LRRFIP1: variants seen among roughly 807,000 people sequenced by gnomAD.
LRRFIP1 encodes the protein leucine-rich repeat flightless-interacting protein 1.
Under a neutral mutation model 104.4 loss-of-function variants are expected in LRRFIP1, and 62 were observed. That is an observed-to-expected ratio of 0.59 (90% CI 0.48 to 0.73). LRRFIP1 has a LOEUF of 0.73. LRRFIP1 is among the 30% of genes least tolerant of loss of function. The probability of loss-of-function intolerance (pLI) is 0.00; values close to 1 mark genes in which losing one functional copy is unlikely to be tolerated. For synonymous variants in LRRFIP1, 300 were observed against 299.0 expected, an observed-to-expected ratio of 1.00 and a Z score of -0.03; for missense variants, 796 against 824.5, an observed-to-expected ratio of 0.97 and a Z score of 0.42.
At chr2:237,668,046 C>CT (rs1181631006) in intron 1 of LRRFIP1, among the ~76,000 whole-genome samples, 5 of 152,042 alleles carry the variant, frequency 3.3e-5, no homozygotes, top group African/African-American at 1.2e-4. Flanking sequence ...TGACACCCCC[C>CT]TTTCCCCAAC....
At chr2:237,645,395 T>A (rs1202323336) in intron 1 of LRRFIP1, among the ~76,000 whole-genome samples, 1 of 148,610 alleles carries the variant, frequency 6.7e-6, no homozygotes, top group African/African-American at 2.4e-5. Flanking sequence ...TGAGCCCTGG[T>A]CTCACAAACA....
At chr2:237,699,851 A>C (rs1335317480) in intron 1 of LRRFIP1, among the ~76,000 whole-genome samples, 1 of 150,162 alleles carries the variant, frequency 6.7e-6, no homozygotes, top group East Asian at 2.0e-4. Flanking sequence ...CGCCACTGCC[A>C]GCTGCCACCC....
rs1024942370 is a variant in LRRFIP1 at position 237,733,833 on chromosome 2, C to T, written c.489+15C>T. 1 of 1,613,858 alleles carries T rather than the reference C, an allele frequency of 6.2e-7. No homozygotes were observed. The highest frequency in any genetic ancestry group is 2.2e-5 in the East Asian group (1 of 44,886). On this transcript the variant is annotated intron_variant, in intron 9 of 23. Coordinates refer to ENST00000308482, the MANE Select transcript of LRRFIP1 (RefSeq NM_001137550.2). ...GGAGTTACCGGGTGCGTGTGCTGCC[C>T]ACCCTGCTGCCCCGCACCCCCTCCC...
rs112852730 is a variant in LRRFIP1 at position 237,669,659 on chromosome 2, C to T, written c.97-38885C>T. Among the ~76,000 whole-genome samples the T allele has an allele frequency of 9.2e-5, 14 of 152,236 alleles. 1 individual carries two copies. The highest frequency in any genetic ancestry group is 2.6e-4 in the African/African-American group (11 of 41,526). ...GCTTTCTCTTGTATGATGTTGAGGC[C>T]GTCACGGTTTGTTGAGCAGAGGAGT... On this transcript the variant is annotated intron_variant, in intron 1 of 23. Coordinates refer to ENST00000308482, the MANE Select transcript of LRRFIP1 (RefSeq NM_001137550.2).
At chr2:237,713,683 T>C (rs2094206128) in intron 2 of LRRFIP1, among the ~76,000 whole-genome samples, 1 of 152,226 alleles carries the variant, frequency 6.6e-6, no homozygotes, top group South Asian at 2.1e-4. Flanking sequence ...TATCTAGTGA[T>C]TACTACAAAA....
chr2:237,628,760 C>G (rs975446428), intron 1 of LRRFIP1, among the ~76,000 whole-genome samples: 1 of 152,156 alleles, frequency 6.6e-6, no homozygotes, highest in Non-Finnish European at 1.5e-5. Flanking sequence ...TGGCTGTATC[C>G]GTCAGATATT....
Position 237,691,477 on chromosome 2 carries a change from C to T in LRRFIP1, c.97-17067C>T, listed in dbSNP as rs1282132931. ...CTGCAAGCTCGTTCTCCCCTGCGGG[C>T]CGCCGCACCGGGCCAAGGGGGGCTG... On this transcript the variant is annotated intron_variant, in intron 1 of 23. Coordinates refer to ENST00000308482, the MANE Select transcript of LRRFIP1 (RefSeq NM_001137550.2). This position sits in a 1 kb window ranked among gnomAD's most constrained non-coding sequence, Gnocchi z 5.4. Among the ~76,000 whole-genome samples the T allele has an allele frequency of 1.3e-5, 2 of 152,062 alleles. No homozygotes were observed. The highest frequency in any genetic ancestry group is 4.8e-5 in the African/African-American group (2 of 41,398).
At chr2:237,671,330 C>T (rs1227678914) in intron 1 of LRRFIP1, among the ~76,000 whole-genome samples, 1 of 152,218 alleles carries the variant, frequency 6.6e-6, no homozygotes, top group Non-Finnish European at 1.5e-5. Context: ...ACTTCAACTC[C>T]ACTTAAGAAA....
intron 1 of LRRFIP1, among the ~76,000 whole-genome samples, chr2:237,631,943 T>C (rs1191677159): frequency 6.6e-6 from 1 of 152,232 alleles, no homozygotes; most frequent in African/African-American, 2.4e-5. Context: ...CTCTCCAAGC[T>C]GGCCCCTCTG....
chr2:237,681,666 C>T (rs369435509), intron 1 of LRRFIP1, among the ~76,000 whole-genome samples: 8 of 127,786 alleles, frequency 6.3e-5, no homozygotes, highest in African/African-American at 1.4e-4. Context: ...CGTGCCCGGC[C>T]GCAGTCCTAT....
At chr2:237,772,060 T>C (rs1253140455) in intron 20 of LRRFIP1, 21 bp from the exon 21 acceptor site, 2 of 1,552,450 alleles carry the variant, frequency 1.3e-6, no homozygotes, top group East Asian at 4.5e-5. Flanking sequence ...ATTAACAGAT[T>C]TTACTGGCGG....
At chr2:237,647,467 A>G (rs1016755557) in intron 1 of LRRFIP1, among the ~76,000 whole-genome samples, 2 of 152,046 alleles carry the variant, frequency 1.3e-5, no homozygotes, top group South Asian at 2.1e-4. Flanking sequence ...GAGCCCACCC[A>G]CTGGTGCAGG....
intron 1 of LRRFIP1, among the ~76,000 whole-genome samples, chr2:237,670,841 A>T (rs768815238): frequency 2.0e-5 from 3 of 152,194 alleles, no homozygotes; most frequent in Middle Eastern, 3.2e-3. Flanking sequence ...AAGCAAGCAC[A>T]TGGAAGCGTG....
chr2:237,682,819 G>A lies in LRRFIP1; in HGVS notation c.97-25725G>A, dbSNP rs2091974079. Among the ~76,000 whole-genome samples, 3 of 152,364 alleles carry A rather than the reference G, an allele frequency of 2.0e-5. No homozygotes were observed. In the South Asian group the frequency reaches 6.2e-4, roughly 32 times the overall value. On this transcript the variant is annotated intron_variant, in intron 1 of 23. Transcript: ENST00000308482. ...GAAGGCAACAGATGTTAGATGCCGT[G>A]TGCACATATTCCCATCTTGACCATT...
intron 1 of LRRFIP1, chr2:237,684,380 G>T (rs1479788829): frequency 1.3e-5 from 2 of 152,214 alleles, no homozygotes; most frequent in Non-Finnish European, 2.9e-5. Context: ...GGAGGCTGAA[G>T]CAGGAGAATC....
intron 15 of LRRFIP1, among the ~76,000 whole-genome samples, chr2:237,755,189 C>G (rs1298677859): frequency 6.6e-6 from 1 of 152,294 alleles, no homozygotes; most frequent in East Asian, 1.9e-4. Flanking sequence ...CACAGCAGAG[C>G]CGAGCTGCCA....
At chr2:237,760,252 T>C (rs772262698) in intron 19 of LRRFIP1, 47 bp downstream of exon 19, 5 of 1,605,708 alleles carry the variant, frequency 3.1e-6, no homozygotes, top group South Asian at 1.1e-5. Flanking sequence ...CCACTCAGCA[T>C]TGGTTCACCC....
chr2:237,754,906 T>C lies in LRRFIP1; in HGVS notation c.1039-1189T>C, dbSNP rs192718338. Reference sequence around the variant, plus strand: ...GTCTCACTCCAGAGAAGCTGGATGGTGCTAGAATGCTGTCCCGAGATGGAC... The same window carrying C: ...GTCTCACTCCAGAGAAGCTGGATGGCGCTAGAATGCTGTCCCGAGATGGAC... On this transcript the variant is annotated intron_variant, in intron 15 of 23. Transcript: ENST00000308482. Among the ~76,000 whole-genome samples, 47 of 152,246 alleles carry C rather than the reference T, an allele frequency of 3.1e-4. No individual in the cohort carries two copies. In the East Asian group the frequency reaches 7.3e-3, roughly 24 times the overall value.
At chr2:237,630,436 G>A (rs1371852905) in intron 1 of LRRFIP1, among the ~76,000 whole-genome samples, 3 of 152,182 alleles carry the variant, frequency 2.0e-5, no homozygotes, top group Non-Finnish European at 4.4e-5. Context: ...CTGCCCTCCA[G>A]GAGTTGGGTC....
Sources: allele counts gnomAD v4.1 joint callset (sites outside exome capture counted in the v4.1 genomes callset), GRCh38; gene constraint gnomAD v4.1.1; non-coding constraint Gnocchi (gnomAD v3.1); transcripts MANE v1.5; gene names NCBI Gene and HGNC (gene_info 2026-07-23, HGNC 2026-07-21).